The following MYO7A variants were observed in gnomAD, a reference collection of about 807,000 sequenced individuals.
The protein encoded by MYO7A is unconventional myosin-VIIa.
In MYO7A, 210 loss-of-function variants were observed where a neutral mutation model predicts 263.8. The ratio of observed to expected loss-of-function variants is 0.80; its 90% CI spans 0.71 to 0.89. The LOEUF is 0.89. MYO7A is among the 40% of genes least tolerant of loss of function. MYO7A has a pLI of 0.00. For synonymous variants in MYO7A, 1,239 were observed against 1,197.3 expected, an observed-to-expected ratio of 1.03 and a Z score of -0.72; for missense variants, 2,820 against 2,968.3, an observed-to-expected ratio of 0.95 and a Z score of 1.16.
intron 27 of MYO7A, among the ~76,000 whole-genome samples, chr11:77,187,223 T>C (rs1955713778): frequency 6.6e-6 from 1 of 152,186 alleles, no homozygotes; most frequent in South Asian, 2.1e-4. Context: ...ATTGCCAAAA[T>C]GTGACAGAAA....
At position 77,180,437 on chromosome 11, in the gene MYO7A, A is replaced by G; in HGVS notation, c.2650A>G (p.Met884Val). The G allele has an allele frequency of 1.2e-6, 2 of 1,612,380 alleles. No homozygotes were observed. Among genetic ancestry groups the G allele is most frequent in the Non-Finnish European group, 1.7e-6 (2 of 1,179,784 alleles). Residue 884 changes from methionine to valine, a missense_variant, in exon 22 of 49, where the codon ATG (methionine) becomes GTG (valine). Met to Val is a conservative substitution (Grantham distance 21). Coordinates refer to ENST00000409709, the MANE Select transcript of MYO7A (RefSeq NM_000260.4). ...LAEEEKLRKE[M>V]SAKKAKEEAE... ...GGAGGAAGAGAAGCTTCGGAAGGAG[A>G]TGAGCGCCAAGAAGGCCAAGGAGGA...
At chr11:77,148,072 T>C (rs893733578) in intron 4 of MYO7A, 122 bp downstream of exon 4, 6 of 930,358 alleles carry the variant, frequency 6.4e-6, no homozygotes, top group South Asian at 5.7e-5. Flanking sequence ...CCTGAGACTT[T>C]GTCCGCTGTG....
Position 77,147,843 on chromosome 11 carries a change from C to T in MYO7A, c.178C>T (p.His60Tyr). ...GAACGCAACGCACATCAAGCCTATG[C>T]ACCCCACGTCGGTCCACGGCGTGGA... ...PQNATHIKPMHPTSVHGVEDM... is the reference protein window; with the variant it reads ...PQNATHIKPMYPTSVHGVEDM... Residue 60 changes from histidine to tyrosine, a missense_variant, in exon 4 of 49, where the codon CAC (histidine) becomes TAC (tyrosine). Transcript: ENST00000409709. The T allele has an allele frequency of 1.2e-6, 2 of 1,609,950 alleles. No homozygotes were observed. The highest frequency in any genetic ancestry group is 1.3e-5 in the African/African-American group (1 of 74,990).
chr11:77,196,543 G>A lies in MYO7A; in HGVS notation c.4324-938G>A, dbSNP rs540988186. 3.3e-5 allele frequency among the ~76,000 whole-genome samples: 5 copies of A among 152,122 alleles called. No individual in the cohort carries two copies. In the South Asian group the frequency reaches 8.3e-4, roughly 25 times the overall value. ...TTTCAAAGTTATGGAGAAATTGCAC[G>A]TTCAAAAAAGTAGGACTGCTATGTG... On this transcript the variant is annotated intron_variant, in intron 32 of 48. Transcript: ENST00000409709.
intron 3 of MYO7A, 35 bp from the exon 4 acceptor site, chr11:77,147,763 C>A (rs782559943): frequency 1.9e-6 from 3 of 1,602,948 alleles, no homozygotes; most frequent in East Asian, 4.5e-5. Flanking sequence ...AGCCTGGGCC[C>A]CAGGAGAGCA....
chr11:77,172,377 C>T (rs991202440), intron 15 of MYO7A, among the ~76,000 whole-genome samples: 4 of 152,282 alleles, frequency 2.6e-5, no homozygotes, highest in South Asian at 2.1e-4. Flanking sequence ...TGACCAAGTC[C>T]GATTACTCCT....
At chr11:77,192,526 C>G (rs918417113) in intron 31 of MYO7A, among the ~76,000 whole-genome samples, 3 of 152,068 alleles carry the variant, frequency 2.0e-5, no homozygotes, top group African/African-American at 7.2e-5. Context: ...GGCCCCCACA[C>G]TGCTGTAGTG....
In MYO7A at chr11:77,201,439, G is replaced by T; in HGVS notation, c.4853-9G>T. 6.2e-7 allele frequency: 1 copy of T among 1,612,126 alleles called. No individual in the cohort carries two copies. ...TGCCCCCATGGTCCCACTCACCTCT[G>T]CTCTACAGCAGGCGAGGAGTCAGGC... On this transcript the variant is annotated splice_polypyrimidine_tract_variant and intron_variant, in intron 35 of 48. Coordinates refer to ENST00000409709, the MANE Select transcript of MYO7A (RefSeq NM_000260.4).
intron 27 of MYO7A, among the ~76,000 whole-genome samples, chr11:77,187,813 G>A (rs574052900): frequency 8.9e-4 from 135 of 152,318 alleles, no homozygotes; most frequent in South Asian, 2.9e-3. Flanking sequence ...ATGAGGCAGG[G>A]ACCAAGCCCC....
intron 27 of MYO7A, 123 bp from the exon 28 acceptor site, chr11:77,189,221 C>T (rs918636872): frequency 2.1e-6 from 3 of 1,399,612 alleles, no homozygotes; most frequent in Middle Eastern, 2.3e-4. Context: ...TGCCTCCTCC[C>T]GGGTGGTCTT....
chr11:77,188,122 A>T (rs1555089399), intron 27 of MYO7A, among the ~76,000 whole-genome samples: 1 of 151,860 alleles, frequency 6.6e-6, no homozygotes, highest in African/African-American at 2.4e-5. Flanking sequence ...TGGGGTGTCA[A>T]CTCCTTGAGG....
At chr11:77,136,440 G>T (rs782335350) in intron 2 of MYO7A, among the ~76,000 whole-genome samples, 8 of 152,050 alleles carry the variant, frequency 5.3e-5, no homozygotes, top group Admixed American at 2.0e-4. Flanking sequence ...CTCCCCCAGG[G>T]GACCTCTCTT....
Position 77,183,101 on chromosome 11 carries a change from G to A in MYO7A, c.3319G>A (p.Val1107Met), listed in dbSNP as rs1555085987. 3 of 1,552,058 alleles carry A rather than the reference G, an allele frequency of 1.9e-6. No homozygotes were observed. The South Asian group carries it at 3.6e-5, about 18-fold the overall frequency. ...QLPEGQKKSS[V>M]RHKLVHLTLK... is the part of the protein sequence containing the mutation. ...CCCCGAGGGCCAGAAGAAGAGCAGT[G>A]TGAGGCACAAGCTGGTGCATTTGAC... Residue 1107 changes from valine (V) to methionine (M), a missense_variant, in exon 26 of 49, where the codon GTG (valine) becomes ATG (methionine). Coordinates refer to ENST00000409709, the MANE Select transcript of MYO7A (RefSeq NM_000260.4).
chr11:77,172,394 A>G (rs1555076604), intron 15 of MYO7A, among the ~76,000 whole-genome samples: 1 of 152,130 alleles, frequency 6.6e-6, no homozygotes, highest in Non-Finnish European at 1.5e-5. Flanking sequence ...TCCTTTATAC[A>G]GGGAAGGGAG....
At chr11:77,194,124 A>T (rs879276404) in intron 31 of MYO7A, 2 of 691,908 alleles carry the variant, frequency 2.9e-6, no homozygotes, top group Non-Finnish European at 5.3e-6. Context: ...TGCCAGTGCC[A>T]GAGGGATCCA....
chr11:77,164,233 G>A (rs1029898394), intron 14 of MYO7A, among the ~76,000 whole-genome samples: 25 of 152,106 alleles, frequency 1.6e-4, no homozygotes, highest in African/African-American at 6.0e-4. Context: ...ACTGCAGACT[G>A]CCCTTGCCAA....
intron 44 of MYO7A, among the ~76,000 whole-genome samples, chr11:77,210,534 T>C (rs891129426): frequency 2.6e-5 from 4 of 152,146 alleles, no homozygotes; most frequent in African/African-American, 4.8e-5. Context: ...TGACTGACAA[T>C]GTATCCTCAG....
At chr11:77,180,729 T>G (rs1194899859) in intron 22 of MYO7A, among the ~76,000 whole-genome samples, 1 of 152,170 alleles carries the variant, frequency 6.6e-6, no homozygotes, top group East Asian at 1.9e-4. Flanking sequence ...CCTTTCTAGT[T>G]GTTGAGATAA....
At chr11:77,189,301 C>G in intron 27 of MYO7A, 43 bp from the exon 28 acceptor site, 2 of 1,609,738 alleles carry the variant, frequency 1.2e-6, no homozygotes, top group South Asian at 1.1e-5. Context: ...CGGGGCTGTT[C>G]CTGTGGGGTG....
Sources: gnomAD v4.1 joint callset for allele counts (sites outside exome capture counted in the v4.1 genomes callset) on GRCh38, gnomAD v4.1.1 for gene constraint, MANE v1.5 for transcripts, NCBI Gene and HGNC (gene_info 2026-07-23, HGNC 2026-07-21) for gene names.